PCDH17: variants seen among roughly 807,000 people sequenced by gnomAD.
PCDH17 encodes protocadherin-17.
PCDH17 carries 21 observed loss-of-function variants against 67.7 expected under a neutral mutation model. The ratio of observed to expected loss-of-function variants is 0.31; its 90% CI spans 0.22 to 0.45. PCDH17 has a LOEUF of 0.45. PCDH17 is among the 20% of genes least tolerant of loss of function. The pLI is 1.00. For synonymous variants in PCDH17, 701 were observed against 656.7 expected, an observed-to-expected ratio of 1.07 and a Z score of -1.03; for missense variants, 1,471 against 1,564.8, an observed-to-expected ratio of 0.94 and a Z score of 1.01.
At chr13:57,680,328 G>A (rs1036752625) in intron 3 of PCDH17, among the ~76,000 whole-genome samples, 2 of 151,558 alleles carry the variant, frequency 1.3e-5, no homozygotes, top group Non-Finnish European at 3.0e-5. Flanking sequence ...AGTGTTTAAA[G>A]GCGGGATAAT....
intron 3 of PCDH17, 88 bp downstream of exon 3, chr13:57,666,921 T>C (rs1442801801): frequency 1.0e-6 from 1 of 985,114 alleles, no homozygotes; most frequent in African/African-American, 1.6e-5. Flanking sequence ...TTTATCACAG[T>C]GGAATGGACC....
chr13:57,637,747 T>C (rs1954841117), intron 1 of PCDH17, among the ~76,000 whole-genome samples: 2 of 152,052 alleles, frequency 1.3e-5, no homozygotes. Context: ...TGTGTTGAGA[T>C]ACACTGGTAC....
rs1955933096 is a variant in PCDH17 at position 57,728,852 on chromosome 13, G to T, written c.*3558G>T. The T allele has an allele frequency of 6.6e-6, 1 of 152,164 alleles. No homozygotes were observed. Among genetic ancestry groups the T allele is most frequent in the Admixed American group, 6.6e-5 (1 of 15,250 alleles). The allele number at this position is 152,164 out of a possible 1,614,324, so 9.4% of individuals were successfully genotyped here. On this transcript the variant is annotated 3_prime_UTR_variant, in exon 4 of 4. Transcript: ENST00000377918. ...ATTTAAAATATGGCACCATAAAAAAGTCATGTAGTAATAGAGCATATGCTT... is the reference window on the plus strand; with the variant it reads ...ATTTAAAATATGGCACCATAAAAAATTCATGTAGTAATAGAGCATATGCTT...
In PCDH17 at chr13:57,633,076, G is replaced by A. The variant is rs1324140239; in HGVS notation, c.530G>A (p.Gly177Asp). 12 of 1,613,240 alleles carry A rather than the reference G, an allele frequency of 7.4e-6. No individual in the cohort carries two copies. Among genetic ancestry groups the A allele is most frequent in the Non-Finnish European group, 1.0e-5 (12 of 1,179,978 alleles). The change falls in exon 1 of 4, where the codon GGC (glycine) becomes GAC (aspartate). Residue 177 changes from glycine (G) to aspartate (D), a missense_variant. Coordinates refer to ENST00000377918, the MANE Select transcript of PCDH17 (RefSeq NM_001040429.3). This position sits in a 1 kb window ranked among gnomAD's most constrained non-coding sequence, Gnocchi z 6.2. ...TACCTGCTCACGCGCGACGATCACGGCCTCTTTGGACTGGACGTTAAGTCC... is the reference window on the plus strand; with the variant it reads ...TACCTGCTCACGCGCGACGATCACGACCTCTTTGGACTGGACGTTAAGTCC... ...RTYLLTRDDH[G>D]LFGLDVKSRG...
At chr13:57,693,750 A>G (rs1286989924) in intron 3 of PCDH17, among the ~76,000 whole-genome samples, 1 of 150,902 alleles carries the variant, frequency 6.6e-6, no homozygotes, top group African/African-American at 2.4e-5. Context: ...TAGGTCTTTT[A>G]AAGTTATTTT....
In PCDH17 at chr13:57,700,061, G is replaced by A. The variant is rs576660384; in HGVS notation, c.2798-24551G>A. 1.8e-4 allele frequency among the ~76,000 whole-genome samples: 27 copies of A among 151,994 alleles called. 1 individual carries two copies. Among genetic ancestry groups the A allele is most frequent in the Middle Eastern group, 3.4e-3 (1 of 294 alleles). On this transcript the variant is annotated intron_variant, in intron 3 of 3. Transcript: ENST00000377918. Reference sequence around the variant, plus strand: ...AGTTCCTATCACTTTCAAAATTGCCGTGGTTTGGTCAACACATTATGTGGT... The same window carrying A: ...AGTTCCTATCACTTTCAAAATTGCCATGGTTTGGTCAACACATTATGTGGT...
intron 3 of PCDH17, among the ~76,000 whole-genome samples, chr13:57,670,616 T>A (rs1412251377): frequency 1.3e-5 from 2 of 150,932 alleles, no homozygotes; most frequent in Admixed American, 1.3e-4. Flanking sequence ...TTTAGAAAAA[T>A]AATGTTTTAT....
chr13:57,719,526 G>A (rs1955855688), intron 3 of PCDH17, among the ~76,000 whole-genome samples: 1 of 152,016 alleles, frequency 6.6e-6, no homozygotes, highest in Non-Finnish European at 1.5e-5. Flanking sequence ...ACGTTTTCAG[G>A]TGTACAAATA....
chr13:57,700,790 A>G (rs1057032771), intron 3 of PCDH17, among the ~76,000 whole-genome samples: 6 of 152,250 alleles, frequency 3.9e-5, no homozygotes, highest in African/African-American at 1.2e-4. Context: ...TAAAATCTGA[A>G]CTAGACTAGA....
chr13:57,685,069 A>G (rs1351212474), intron 3 of PCDH17, among the ~76,000 whole-genome samples: 1 of 151,954 alleles, frequency 6.6e-6, no homozygotes, highest in African/African-American at 2.4e-5. Flanking sequence ...TCAACATCAT[A>G]CTGAAATTGA....
intron 1 of PCDH17, among the ~76,000 whole-genome samples, chr13:57,658,936 G>A (rs902350187): frequency 3.9e-5 from 6 of 152,124 alleles, no homozygotes; most frequent in African/African-American, 1.2e-4. Context: ...AATGCTAGCA[G>A]TTTATAATCC....
chr13:57,713,911 G>A (rs1005818347), intron 3 of PCDH17, among the ~76,000 whole-genome samples: 4 of 151,274 alleles, frequency 2.6e-5, no homozygotes, highest in African/African-American at 4.8e-5. Context: ...CAAAAATATA[G>A]TATTTTTGAA....
intron 1 of PCDH17, among the ~76,000 whole-genome samples, chr13:57,650,576 G>A (rs1955024180): frequency 6.6e-6 from 1 of 151,908 alleles, no homozygotes; most frequent in African/African-American, 2.4e-5. Context: ...ATAATTTCAA[G>A]TTGTTTTTGA....
At chr13:57,648,205 A>G (rs1226246139) in intron 1 of PCDH17, among the ~76,000 whole-genome samples, 1 of 151,888 alleles carries the variant, frequency 6.6e-6, no homozygotes, top group African/African-American at 2.4e-5. Context: ...CTGTGGTTCA[A>G]TATCCCCAGG....
chr13:57,712,564 C>T (rs1045137832), intron 3 of PCDH17, among the ~76,000 whole-genome samples: 3 of 151,384 alleles, frequency 2.0e-5, no homozygotes, highest in African/African-American at 7.3e-5. Context: ...TCTTAGAACA[C>T]CAAACTGAAT....
intron 1 of PCDH17, among the ~76,000 whole-genome samples, chr13:57,643,670 A>T (rs1282975332): frequency 6.6e-6 from 1 of 151,684 alleles, no homozygotes; most frequent in African/African-American, 2.4e-5. Context: ...AAAAAAGATA[A>T]ATCACTAGTC....
Position 57,667,043 on chromosome 13 carries a change from A to G in PCDH17, c.2797+210A>G, listed in dbSNP as rs562939698. Among the ~76,000 whole-genome samples the G allele has an allele frequency of 2.0e-5, 3 of 152,284 alleles. No homozygotes were observed. The East Asian group carries it at 5.8e-4, about 29-fold the overall frequency. ...CGAAGGCCCTGGGTATCATTCATTA[A>G]TCCTAAAACAAGAACTTGACCAAAG... is the stretch of plus-strand genomic sequence containing the variant. On this transcript the variant is annotated intron_variant, in intron 3 of 3. Transcript: ENST00000377918.
Position 57,632,243 on chromosome 13 carries a change from A to G in PCDH17, c.-304A>G. ...TTGAGCCTCCCGAAGTCCGGGCGGG[A>G]GAGACGAAACCCCTGGCTCACCCCC... On this transcript the variant is annotated 5_prime_UTR_variant, in exon 1 of 4. Transcript: ENST00000377918. The G allele has an allele frequency of 2.3e-6, 1 of 437,444 alleles. No homozygotes were observed. The highest frequency in any genetic ancestry group is 4.1e-6 in the Non-Finnish European group (1 of 244,498). The allele number at this position is 437,444 out of a possible 1,614,324, so 27.1% of individuals were successfully genotyped here.
chr13:57,677,074 T>C (rs1034416368), intron 3 of PCDH17, among the ~76,000 whole-genome samples: 4 of 151,890 alleles, frequency 2.6e-5, no homozygotes, highest in Non-Finnish European at 5.9e-5. Flanking sequence ...GAATGTTTGT[T>C]CAACAAATAT....
Sources: allele counts gnomAD v4.1 joint callset (sites outside exome capture counted in the v4.1 genomes callset), GRCh38; gene constraint gnomAD v4.1.1; non-coding constraint Gnocchi (gnomAD v3.1); transcripts MANE v1.5; gene names NCBI Gene and HGNC (gene_info 2026-07-23, HGNC 2026-07-21).